XRCC4: variants seen among roughly 807,000 people sequenced by gnomAD.
XRCC4 encodes DNA repair protein XRCC4.
Under a neutral mutation model 39.1 loss-of-function variants are expected in XRCC4, and 28 were observed. That is an observed-to-expected ratio of 0.72 (90% CI 0.53 to 0.98). The LOEUF is 0.98. Ranked by LOEUF, XRCC4 falls within the 50% of genes least tolerant of loss-of-function variation. The probability of loss-of-function intolerance (pLI) is 0.00; values close to 1 mark genes in which losing one functional copy is unlikely to be tolerated. For synonymous variants in XRCC4, 123 were observed against 126.4 expected, an observed-to-expected ratio of 0.97 and a Z score of 0.18; for missense variants, 350 against 376.4, an observed-to-expected ratio of 0.93 and a Z score of 0.58.
At chr5:83,323,389 A>G (rs1327168788) in intron 7 of XRCC4, among the ~76,000 whole-genome samples, 2 of 152,138 alleles carry the variant, frequency 1.3e-5, no homozygotes, top group Non-Finnish European at 2.9e-5. Context: ...AGCATTACAA[A>G]TGATTTTCTA....
In XRCC4 at chr5:83,353,380, A is replaced by G; in HGVS notation, c.*138A>G. On this transcript the variant is annotated 3_prime_UTR_variant, in exon 8 of 8. Transcript: ENST00000396027. ...ATTACATACACAGTGAATTGAAACC[A>G]TTGTGCAAAATGGATTACACATGTA... The G allele has an allele frequency of 3.1e-6, 2 of 636,400 alleles. No homozygotes were observed. 39.4% of individuals were successfully genotyped at this position (636,400 alleles called of 1,614,324 possible).
intron 6 of XRCC4, among the ~76,000 whole-genome samples, chr5:83,213,785 T>C (rs1213872394): frequency 6.6e-6 from 1 of 152,048 alleles, no homozygotes; most frequent in Non-Finnish European, 1.5e-5. Context: ...CAAATATCCA[T>C]CATGAACATA....
chr5:83,205,054 A>G (rs1352616035), intron 6 of XRCC4, 133 bp downstream of exon 6: 1 of 604,816 alleles, frequency 1.7e-6, no homozygotes, highest in Non-Finnish European at 2.7e-6. Flanking sequence ...TTTTTATTTT[A>G]AAAACTCAAA....
chr5:83,238,034 A>C (rs993954780), intron 6 of XRCC4, among the ~76,000 whole-genome samples: 2 of 152,142 alleles, frequency 1.3e-5, no homozygotes, highest in African/African-American at 4.8e-5. Flanking sequence ...TATGAAGATA[A>C]CATAAATTAG....
intron 3 of XRCC4, among the ~76,000 whole-genome samples, chr5:83,113,717 C>T (rs932213763): frequency 2.0e-4 from 30 of 152,222 alleles, no homozygotes; most frequent in African/African-American, 7.2e-4. Context: ...AGCTCCGCCT[C>T]CTGGGTTCAT....
chr5:83,303,338 C>T lies in XRCC4; in HGVS notation c.893+44661C>T, dbSNP rs769735931. Among the ~76,000 whole-genome samples the T allele has an allele frequency of 1.1e-4, 17 of 151,716 alleles. 1 individual carries two copies. The highest frequency in any genetic ancestry group is 5.9e-4 in the Admixed American group (9 of 15,246). On this transcript the variant is annotated intron_variant, in intron 7 of 7. Coordinates refer to ENST00000396027, the MANE Select transcript of XRCC4 (RefSeq NM_003401.5). ...TAAGTGAAAGATATTTTTATTTATG[C>T]GCAGAGAAAAGTTTCAAATATATCT...
intron 7 of XRCC4, among the ~76,000 whole-genome samples, chr5:83,265,525 A>G (rs891117573): frequency 2.6e-5 from 4 of 152,176 alleles, no homozygotes; most frequent in Non-Finnish European, 5.9e-5. Context: ...GATTATGGTC[A>G]GTGCACTTCA....
intron 6 of XRCC4, among the ~76,000 whole-genome samples, chr5:83,241,786 T>C (rs942942506): frequency 6.6e-6 from 1 of 152,168 alleles, no homozygotes. Context: ...TACTATATAC[T>C]ATTATATATT....
chr5:83,240,427 A>C (rs1216029605), intron 6 of XRCC4, among the ~76,000 whole-genome samples: 1 of 152,204 alleles, frequency 6.6e-6, no homozygotes, highest in African/African-American at 2.4e-5. Flanking sequence ...CAGTATCCTC[A>C]GAAATAGAGA....
At chr5:83,203,896 C>G (rs1751315662) in intron 5 of XRCC4, among the ~76,000 whole-genome samples, 189 bp downstream of exon 5, 1 of 152,014 alleles carries the variant, frequency 6.6e-6, no homozygotes, top group Non-Finnish European at 1.5e-5. Context: ...CTCTCTATGT[C>G]TGCTCAACTG....
intron 6 of XRCC4, among the ~76,000 whole-genome samples, chr5:83,253,785 A>G (rs1441442757): frequency 6.6e-6 from 1 of 152,214 alleles, no homozygotes; most frequent in Non-Finnish European, 1.5e-5. Context: ...TAGGAGATTC[A>G]GCCAAATTCC....
chr5:83,324,090 A>G lies in XRCC4; in HGVS notation c.894-29041A>G, dbSNP rs28360318. Among the ~76,000 whole-genome samples, 1,497 of 152,196 alleles carry G rather than the reference A, an allele frequency of 9.8e-3. 23 individuals carry two copies. Among genetic ancestry groups the G allele is most frequent in the African/African-American group, 0.034 (1,427 of 41,548 alleles). On this transcript the variant is annotated intron_variant, in intron 7 of 7. Transcript: ENST00000396027. Reference sequence around the variant, plus strand: ...CAGTTCTTTTGACAATTTTTGTTAGAGCTTTTTGATTCTTACCCCCATGGA... The same window carrying G: ...CAGTTCTTTTGACAATTTTTGTTAGGGCTTTTTGATTCTTACCCCCATGGA...
intron 6 of XRCC4, among the ~76,000 whole-genome samples, chr5:83,216,764 A>AAT (rs200425868): frequency 0.013 from 2,026 of 152,270 alleles, 21 homozygotes; most frequent in Non-Finnish European, 0.02. Context: ...AGAAAAAGGG[A>AAT]ATATATATAG....
Position 83,097,375 on chromosome 5 carries a change from G to T in XRCC4, c.-10-7535G>T, listed in dbSNP as rs1361340246. Among the ~76,000 whole-genome samples the T allele has an allele frequency of 2.0e-5, 3 of 149,280 alleles. No homozygotes were observed. The East Asian group carries it at 5.8e-4, about 29-fold the overall frequency. On this transcript the variant is annotated intron_variant, in intron 1 of 7. Coordinates refer to ENST00000396027, the MANE Select transcript of XRCC4 (RefSeq NM_003401.5). ...GTTTTTTTTTTTTTCCTCAGACTAA[G>T]TTGCTCAGTCCTATCACTTGTCATC...
intron 6 of XRCC4, among the ~76,000 whole-genome samples, chr5:83,219,724 C>A (rs1397778647): frequency 1.3e-5 from 2 of 152,018 alleles, no homozygotes; most frequent in Non-Finnish European, 2.9e-5. Flanking sequence ...ATTTCGAAAA[C>A]CTGCTATGAC....
At chr5:83,318,178 T>C (rs2112119396) in intron 7 of XRCC4, among the ~76,000 whole-genome samples, 1 of 144,884 alleles carries the variant, frequency 6.9e-6, no homozygotes, top group South Asian at 2.1e-4. Flanking sequence ...AAACTCTCAA[T>C]GAATTAGGTG....
rs77547481 is a variant in XRCC4 at position 83,168,149 on chromosome 5, T to G, written c.316-27621T>G. Among the ~76,000 whole-genome samples the G allele has an allele frequency of 3.5e-3, 531 of 152,280 alleles. 29 individuals are homozygous for G. In the East Asian group the frequency reaches 0.092, roughly 26 times the overall value. Reference sequence around the variant, plus strand: ...AAGCAAAATCCAACTGTATGCTGTTTATAAGAAACATCTAAAACCTAAGGA... The same window carrying G: ...AAGCAAAATCCAACTGTATGCTGTTGATAAGAAACATCTAAAACCTAAGGA... On this transcript the variant is annotated intron_variant, in intron 3 of 7. Transcript: ENST00000396027.
intron 2 of XRCC4, among the ~76,000 whole-genome samples, chr5:83,106,677 G>T (rs1746213605): frequency 6.6e-6 from 1 of 151,806 alleles, no homozygotes; most frequent in Admixed American, 6.6e-5. Context: ...ATACAATTGT[G>T]CTGGCATCAT....
intron 7 of XRCC4, among the ~76,000 whole-genome samples, chr5:83,344,745 A>G (rs1028222332): frequency 1.3e-5 from 2 of 152,174 alleles, no homozygotes; most frequent in Admixed American, 6.5e-5. Flanking sequence ...ACACATATGC[A>G]AATGTTTCTC....
Sources: gnomAD v4.1 joint callset for allele counts (sites outside exome capture counted in the v4.1 genomes callset) on GRCh38, gnomAD v4.1.1 for gene constraint, MANE v1.5 for transcripts, NCBI Gene and HGNC (gene_info 2026-07-23, HGNC 2026-07-21) for gene names.